CMPK2: variants seen among roughly 807,000 people sequenced by gnomAD.
The protein encoded by CMPK2 is cytidine/uridine monophosphate kinase 2, also known as UMP-CMP kinase 2, mitochondrial.
A neutral mutation model predicts 33.4 loss-of-function variants in CMPK2; 32 were observed. That is an observed-to-expected ratio of 0.96 (90% CI 0.72 to 1.29). CMPK2 has a LOEUF of 1.29. Ranked by LOEUF, CMPK2 falls within the 50% of genes most tolerant of loss-of-function variation. CMPK2 has a pLI of 0.00. For synonymous variants in CMPK2, 299 were observed against 275.3 expected (o/e 1.09, Z -0.85); for missense variants, 672 against 616.0 (o/e 1.09, Z -0.96).
intron 2 of CMPK2, 54 bp downstream of exon 2, chr2:6,863,410 T>C: frequency 1.4e-6 from 2 of 1,472,090 alleles, no homozygotes; most frequent in Non-Finnish European, 1.9e-6. Flanking sequence ...TTTCTGTTTC[T>C]GCAACTAATC....
At chr2:6,863,288 C>T (rs909038107) in intron 2 of CMPK2, among the ~76,000 whole-genome samples, 176 bp downstream of exon 2, 4 of 152,204 alleles carry the variant, frequency 2.6e-5, no homozygotes, top group Non-Finnish European at 4.4e-5. Flanking sequence ...CATGCTGCTT[C>T]ATATTGAAGG....
Position 6,851,706 on chromosome 2 carries a change from G to A in CMPK2, c.993-23C>T, listed in dbSNP as rs768952552. 4.7e-5 allele frequency: 75 copies of A among 1,603,034 alleles called. 1 individual carries two copies. Among genetic ancestry groups the A allele is most frequent in the Non-Finnish European group, 6.1e-5 (72 of 1,170,990 alleles). Reference sequence around the variant, plus strand: ...TACCTGAGAAGGAATGGGGTAGTGAGTTCTCTGTCTGCAGAAGAAGTCAAA... The same window carrying A: ...TACCTGAGAAGGAATGGGGTAGTGAATTCTCTGTCTGCAGAAGAAGTCAAA... On this transcript the variant is annotated intron_variant, in intron 3 of 4. Transcript: ENST00000256722.
Position 6,865,853 on chromosome 2 carries a change from C to A in CMPK2, c.-157G>T. On this transcript the variant is annotated 5_prime_UTR_variant, in exon 1 of 5. Transcript: ENST00000256722. ...ACGAAAGCCGGAGGCCCAGGCGGGG[C>A]AGGAGCCCTGGGGCTGGGGCGCCCT... is the stretch of plus-strand genomic sequence containing the variant. 5 of 1,322,148 alleles carry A rather than the reference C, an allele frequency of 3.8e-6. No homozygotes were observed. Among genetic ancestry groups the A allele is most frequent in the Non-Finnish European group, 4.8e-6 (5 of 1,038,942 alleles). 81.9% of individuals were successfully genotyped at this position (1,322,148 alleles called of 1,614,324 possible). A position where few individuals can be genotyped will look rare whatever the true frequency, so the allele number is the denominator to read the frequency against.
chr2:6,843,609 C>T (rs1662282700), downstream of CMPK2, among the ~76,000 whole-genome samples: 1 of 152,100 alleles, frequency 6.6e-6, no homozygotes, highest in Non-Finnish European at 1.5e-5. Context: ...TTGATTTCTA[C>T]TAAGGGGAGA....
chr2:6,853,829 A>G (rs1296083591), intron 3 of CMPK2, among the ~76,000 whole-genome samples: 9 of 151,972 alleles, frequency 5.9e-5, no homozygotes, highest in Non-Finnish European at 1.0e-4. Flanking sequence ...GTGAACCCGG[A>G]AGGCAGAGCT....
chr2:6,853,459 G>A (rs1662585817), intron 3 of CMPK2, among the ~76,000 whole-genome samples: 2 of 152,060 alleles, frequency 1.3e-5, no homozygotes, highest in Admixed American at 1.3e-4. Context: ...GGAAAACACA[G>A]ATCATGCAAG....
Position 6,849,919 on chromosome 2 carries a change from G to A in CMPK2, c.1281C>T (p.Ala427=), listed in dbSNP as rs772795074. The change falls in exon 5 of 5, where the codon GCC becomes GCT. Residue 427 remains alanine (A), a synonymous_variant. Transcript: ENST00000256722. ...MENPGCHVVD[A]SPSREKVLQT... is the part of the protein sequence containing the mutation. ...GCAGGACCTTTTCTCTGGAGGGGCT[G>A]GCATCAACCACATGGCAGCCAGGAT... The A allele has an allele frequency of 3.1e-6, 5 of 1,614,158 alleles. No homozygotes were observed. The highest frequency in any genetic ancestry group is 1.7e-5 in the Admixed American group (1 of 60,020).
In CMPK2 at chr2:6,863,579, C is replaced by G. The variant is rs1393032173; in HGVS notation, c.676-1G>C. On this transcript the variant is annotated splice_acceptor_variant, in intron 1 of 4. Coordinates refer to ENST00000256722, the MANE Select transcript of CMPK2 (RefSeq NM_207315.4). LOFTEE classifies it high-confidence loss of function. ...GGGCTTCAGGAATAAAGGAGGTACA[C>G]TGTAAAACAACGTCTATCCATCAGC... 1.2e-6 allele frequency: 2 copies of G among 1,611,206 alleles called. No homozygotes were observed. The highest frequency in any genetic ancestry group is 1.7e-6 in the Non-Finnish European group (2 of 1,178,152).
chr2:6,863,659 T>A lies in CMPK2; in HGVS notation c.676-81A>T, dbSNP rs1452940895. On this transcript the variant is annotated intron_variant, in intron 1 of 4. Transcript: ENST00000256722. ...ACACCTAAATTGCTGAGCACAATAT[T>A]GCCGCATGCTAATAAGGCCTAAGTT... 4.1e-6 allele frequency: 4 copies of A among 967,912 alleles called. No homozygotes were observed. In the East Asian group the frequency reaches 9.6e-5, roughly 23 times the overall value. 60.0% of individuals were successfully genotyped at this position (967,912 alleles called of 1,614,324 possible).
chr2:6,843,550 T>A (rs1662281439), downstream of CMPK2, among the ~76,000 whole-genome samples: 1 of 152,110 alleles, frequency 6.6e-6, no homozygotes, highest in African/African-American at 2.4e-5. Context: ...GGATAGCAGT[T>A]GCAGCCTGAC....
At chr2:6,857,625 ATTTCT>A (rs1201197404) in intron 3 of CMPK2, among the ~76,000 whole-genome samples, 52 of 130,478 alleles carry the variant, frequency 4.0e-4, no homozygotes, top group African/African-American at 1.5e-3. Flanking sequence ...ACCTAAAGCT[ATTTCT>A]TTTCTTTTCT....
intron 3 of CMPK2, among the ~76,000 whole-genome samples, chr2:6,852,255 C>G (rs1358183866): frequency 6.6e-6 from 1 of 152,208 alleles, no homozygotes; most frequent in Non-Finnish European, 1.5e-5. Flanking sequence ...GAAAGTCCTC[C>G]CTAAGCAAGT....
intron 1 of CMPK2, among the ~76,000 whole-genome samples, chr2:6,864,598 C>T (rs1042626882): frequency 6.6e-6 from 1 of 152,210 alleles, no homozygotes; most frequent in Non-Finnish European, 1.5e-5. Flanking sequence ...CATGGCCAGT[C>T]GGTAGGTAAA....
chr2:6,848,969 C>A lies in CMPK2; in HGVS notation c.*881G>T. 2 of 985,676 alleles carry A rather than the reference C, an allele frequency of 2.0e-6. No homozygotes were observed. Among genetic ancestry groups the A allele is most frequent in the Non-Finnish European group, 2.4e-6 (2 of 829,832 alleles). 61.1% of individuals were successfully genotyped at this position (985,676 alleles called of 1,614,324 possible). ...AAACATTGCATTTAGCGTTTTGACT[C>A]CACTTTTAATTAATGAATCATAGCT... On this transcript the variant is annotated 3_prime_UTR_variant, in exon 5 of 5. Coordinates refer to ENST00000256722, the MANE Select transcript of CMPK2 (RefSeq NM_207315.4).
Sources: gnomAD v4.1 joint callset for allele counts (sites outside exome capture counted in the v4.1 genomes callset) on GRCh38, gnomAD v4.1.1 for gene constraint, MANE v1.5 for transcripts, NCBI Gene and HGNC (gene_info 2026-07-23, HGNC 2026-07-21) for gene names.